Variants in CFP observed in about 807,000 individuals in gnomAD.
CFP encodes the protein complement factor properdin.
A neutral mutation model predicts 42.1 loss-of-function variants in CFP; 14 were observed. That is an observed-to-expected ratio of 0.33 (90% confidence interval 0.22 to 0.52). The LOEUF is 0.52. Ranked by LOEUF, CFP falls within the 20% of genes least tolerant of loss-of-function variation. The pLI, the probability that CFP is intolerant of heterozygous loss-of-function variation, is 0.96. For missense variants in CFP, 318 were observed against 400.4 expected (o/e 0.79, Z 1.76); for synonymous variants, 149 against 160.6 (o/e 0.93, Z 0.54).
In CFP at chrX:47,624,380, C is replaced by T. The variant is rs766164302; in HGVS notation, c.1305G>A (p.Pro435=). 1 of 1,209,834 alleles carries T rather than the reference C, an allele frequency of 8.3e-7. No individual in the cohort carries two copies. Among genetic ancestry groups the T allele is most frequent in the African/African-American group, 1.7e-5 (1 of 57,246 alleles). Reference sequence around the variant, plus strand: ...CTTGTAGCTCCTCACACCGTGGCAGCGGTCTCCCCCAGAAGGTCACGTTCT... The same window carrying T: ...CTTGTAGCTCCTCACACCGTGGCAGTGGTCTCCCCCAGAAGGTCACGTTCT... ...GEKNVTFWGR[P]LPRCEELQGQ... Residue 435 remains proline, a synonymous_variant, in exon 9 of 9, where the codon CCG becomes CCA. Coordinates refer to ENST00000396992, the MANE Select transcript of CFP (RefSeq NM_001145252.3).
chrX:47,628,972 T>C, intron 2 of CFP: 1 of 151,245 alleles, frequency 6.6e-6, no homozygotes, highest in Non-Finnish European at 1.3e-5. Flanking sequence ...CAGGGAGTGC[T>C]CAATGAATGT....
Position 47,629,547 on chromosome X carries a change from A to G in CFP, c.204T>C (p.Ser68=). The G allele has an allele frequency of 9.8e-7, 1 of 1,019,781 alleles. No individual in the cohort carries two copies. Among genetic ancestry groups the G allele is most frequent in the Non-Finnish European group, 1.3e-6 (1 of 780,367 alleles). The allele number at this position is 1,019,781 out of a possible 1,213,427, so 84.0% of individuals were successfully genotyped here. A position where few individuals can be genotyped will look rare whatever the true frequency, so the allele number is the denominator to read the frequency against. ...ACCTGCAAGGCTGACAGAGCCCACC[A>G]CTACGTTTCTGGTAGGCAAAGGCAG... is the stretch of plus-strand genomic sequence containing the variant. ...LNTAFAYQKR[S]GGLCQPCRSP... Residue 68 remains serine, a synonymous_variant, in exon 2 of 9, where the codon AGT becomes AGC. Transcript: ENST00000396992.
At position 47,629,673 on chromosome X, in the gene CFP, G is replaced by A. The variant is rs2057983442; in HGVS notation, c.78C>T (p.Gly26=). ...GGGTGAAGCAGAGCACGGGGTCTGA[G>A]CCTGTAACAGGGCCAGGGGATGGGT... ...LLLLLTLPAT[G]SDPVLCFTQY... is the part of the protein sequence containing the mutation. The change falls in exon 2 of 9, where the codon GGC becomes GGT. Residue 26 remains glycine, a splice_region_variant and synonymous_variant. Coordinates refer to ENST00000396992, the MANE Select transcript of CFP (RefSeq NM_001145252.3). The A allele has an allele frequency of 9.7e-7, 1 of 1,030,578 alleles. No individual in the cohort carries two copies. The highest frequency in any genetic ancestry group is 3.3e-5 in the East Asian group (1 of 29,956). 84.9% of individuals were successfully genotyped at this position (1,030,578 alleles called of 1,213,427 possible). A position where few individuals can be genotyped will look rare whatever the true frequency, so the allele number is the denominator to read the frequency against.
In CFP at chrX:47,626,347, G is replaced by A; in HGVS notation, c.1113C>T (p.Tyr371=). 1 of 1,211,159 alleles carries A rather than the reference G, an allele frequency of 8.3e-7. No individual in the cohort carries two copies. The highest frequency in any genetic ancestry group is 1.1e-6 in the Non-Finnish European group (1 of 895,198). ...AGQQQDIRHC[Y]SIQHCPLKGS... is the part of the protein sequence containing the mutation. ...ACTCACAGGGGCAGTGCTGGATGCT[G>A]TAGCAGTGCCGGATATCCTGCTGTT... Residue 371 remains tyrosine, a synonymous_variant, in exon 7 of 9, where the codon TAC becomes TAT. Transcript: ENST00000396992.
chrX:47,627,150 G>T lies in CFP; in HGVS notation c.757C>A (p.Pro253Thr). ...CCTCATCCTGGTGTACCTGGGCAGG[G>T]TGGCAGGCCGGTGCACCTCCGCTGC... ...YEQRRCTGLP[P>T]CPVAGGWGPW... The change falls in exon 5 of 9, where the codon CCC becomes ACC. Residue 253 changes from proline (P) to threonine (T), a missense_variant. Transcript: ENST00000396992. 1 of 1,211,799 alleles carries T rather than the reference G, an allele frequency of 8.3e-7. No individual in the cohort carries two copies. The highest frequency in any genetic ancestry group is 1.1e-6 in the Non-Finnish European group (1 of 895,340).
chrX:47,627,230 G>C lies in CFP; in HGVS notation c.677C>G (p.Ala226Gly), dbSNP rs773814594. 1 of 1,211,748 alleles carries C rather than the reference G, an allele frequency of 8.3e-7. No homozygotes were observed. Among genetic ancestry groups the C allele is most frequent in the Admixed American group, 2.2e-5 (1 of 46,133 alleles). ...AGGAGGTTTCTGGGAGGGCTCAGGT[G>C]CAGAACACTTGCGGCTTCGTGTCTC... Reference protein sequence around the residue: ...PKETRSRKCSAPEPSQKPPGK... With the variant: ...PKETRSRKCSGPEPSQKPPGK... The change falls in exon 5 of 9, where the codon GCA becomes GGA. Residue 226 changes from alanine (A) to glycine (G), a missense_variant. Transcript: ENST00000396992.
In CFP at chrX:47,624,069, C is replaced by T. The variant is rs1465700168; in HGVS notation, c.*206G>A. 4.5e-6 allele frequency: 2 copies of T among 446,714 alleles called. No individual in the cohort carries two copies. The highest frequency in any genetic ancestry group is 7.9e-6 in the Non-Finnish European group (2 of 253,368). The allele number at this position is 446,714 out of a possible 1,213,427, so 36.8% of individuals were successfully genotyped here. On this transcript the variant is annotated 3_prime_UTR_variant, in exon 9 of 9. Transcript: ENST00000396992. ...ACTCGCTTTCACTCCTGCCAACCTG[C>T]GACCACAGTGGAAAATACTGTTTTC... is the stretch of plus-strand genomic sequence containing the variant.
chrX:47,624,468 G>T (rs1420082084), intron 8 of CFP, 28 bp from the exon 9 acceptor site: 1 of 1,191,283 alleles, frequency 8.4e-7, no homozygotes, highest in Non-Finnish European at 1.1e-6. Context: ...GGGAGGAACG[G>T]AAGGGAGAAT....
At position 47,629,467 on chromosome X, in the gene CFP, G is replaced by C. The variant is rs1390849961; in HGVS notation, c.227+57C>G. 4 of 995,082 alleles carry C rather than the reference G, an allele frequency of 4.0e-6. No homozygotes were observed. The Admixed American group carries it at 1.1e-4, about 27-fold the overall frequency. 82.0% of individuals were successfully genotyped at this position (995,082 alleles called of 1,213,427 possible). ...AGAAAGAAAGTGCCCAGTTTTGGGT[G>C]ACCCCCACAGACAGTCCTTCCCTCC... On this transcript the variant is annotated intron_variant, in intron 2 of 8. Coordinates refer to ENST00000396992, the MANE Select transcript of CFP (RefSeq NM_001145252.3).
chrX:47,625,989 T>C, intron 8 of CFP, 69 bp downstream of exon 8: 2 of 930,167 alleles, frequency 2.2e-6, no homozygotes, highest in African/African-American at 1.9e-5. Flanking sequence ...CCTGGTTTCC[T>C]GGGGTAGCCG....
intron 8 of CFP, chrX:47,624,668 C>T (rs1365865818): frequency 6.2e-6 from 2 of 324,858 alleles, no homozygotes; most frequent in African/African-American, 5.6e-5. Flanking sequence ...GATGCTCCTG[C>T]CTCAGCCTCC....
In CFP at chrX:47,623,930, C is replaced by A; in HGVS notation, c.*345G>T. ...AGGACAAGTAGCCAATCAGGAAACCCGTAACGCGGAGCTCTGCAGAGGAAC... is the reference window on the plus strand; with the variant it reads ...AGGACAAGTAGCCAATCAGGAAACCAGTAACGCGGAGCTCTGCAGAGGAAC... On this transcript the variant is annotated 3_prime_UTR_variant, in exon 9 of 9. Transcript: ENST00000396992. 1 of 213,738 alleles carries A rather than the reference C, an allele frequency of 4.7e-6. No individual in the cohort carries two copies. The highest frequency in any genetic ancestry group is 8.6e-6 in the Non-Finnish European group (1 of 116,710). The allele number at this position is 213,738 out of a possible 1,213,427, so 17.6% of individuals were successfully genotyped here.
In CFP at chrX:47,624,192, T is replaced by A. The variant is rs55972826; in HGVS notation, c.*83A>T. The A allele has an allele frequency of 1.3e-3, 1,373 of 1,096,752 alleles. 1 individual carries two copies. Among genetic ancestry groups the A allele is most frequent in the Non-Finnish European group, 1.7e-3 (1,333 of 792,254 alleles). 90.4% of individuals were successfully genotyped at this position (1,096,752 alleles called of 1,213,427 possible). A position where few individuals can be genotyped will look rare whatever the true frequency, so the allele number is the denominator to read the frequency against. On this transcript the variant is annotated 3_prime_UTR_variant, in exon 9 of 9. Transcript: ENST00000396992. ...GAAGGGGATAGGTTGTTTTTCCTCCTTTAAGGAATCGTAGACGAACTCGAA... is the reference window on the plus strand; with the variant it reads ...GAAGGGGATAGGTTGTTTTTCCTCCATTAAGGAATCGTAGACGAACTCGAA...
chrX:47,628,795 C>T, intron 2 of CFP: 1 of 237,291 alleles, frequency 4.2e-6, no homozygotes, highest in East Asian at 1.1e-4. Flanking sequence ...AATCCCCAAG[C>T]TCCCCATGCC....
chrX:47,627,768 C>G (rs778650858), intron 3 of CFP, 127 bp from the exon 4 acceptor site: 90 of 748,498 alleles, frequency 1.2e-4, no homozygotes, highest in Non-Finnish European at 1.7e-4. Context: ...GGCCCACCAT[C>G]CCCGCTCACC....
rs55641350 is a variant in CFP at position 47,626,214 on chromosome X, G to A, written c.1133-45C>T. ...TCACAGAGTCAGAACTGGAGGTCTT[G>A]GTGGGAAAGTGAGAGGGAGGCTGCA... On this transcript the variant is annotated intron_variant, in intron 7 of 8. Transcript: ENST00000396992. The A allele has an allele frequency of 6.9e-4, 783 of 1,134,247 alleles. 4 individuals are homozygous for A. The highest frequency in any genetic ancestry group is 1.4e-3 in the Admixed American group (55 of 38,793). 93.5% of individuals were successfully genotyped at this position (1,134,247 alleles called of 1,213,427 possible).
chrX:47,626,421 C>T lies in CFP; in HGVS notation c.1039G>A (p.Gly347Arg). The T allele has an allele frequency of 5.8e-6, 7 of 1,211,495 alleles. No individual in the cohort carries two copies. Among genetic ancestry groups the T allele is most frequent in the Non-Finnish European group, 7.8e-6 (7 of 895,374 alleles). The change falls in exon 7 of 9, where the codon GGG (glycine) becomes AGG (arginine). Residue 347 changes from glycine to arginine, a missense_variant. Transcript: ENST00000396992. ...CQEIPGQQSR[G>R]RTCRGRKFDG... Reference sequence around the variant, plus strand: ...AACTTGCGGCCCCTGCAGGTCCTCCCGCGTGACTGCTGGCCCGGGATTTCT... The same window carrying T: ...AACTTGCGGCCCCTGCAGGTCCTCCTGCGTGACTGCTGGCCCGGGATTTCT...
chrX:47,624,341 C>T lies in CFP; in HGVS notation c.1344G>A (p.Val448=). The change falls in exon 9 of 9, where the codon GTG becomes GTA. Residue 448 remains valine, a synonymous_variant. Transcript: ENST00000396992. The stretch of plus-strand genomic sequence containing the variant: ...GTAGACATGGTCGTTTCTCCTCCAC[C>T]ACCAGCTTCTGCCCTTGTAGCTCCT... ...RCEELQGQKL[V]VEEKRPCLHV... 2 of 1,210,126 alleles carry T rather than the reference C, an allele frequency of 1.7e-6. No homozygotes were observed.
At chrX:47,627,381 A>G in intron 4 of CFP, 49 bp from the exon 5 acceptor site, 1 of 1,188,687 alleles carries the variant, frequency 8.4e-7, no homozygotes, top group Non-Finnish European at 1.1e-6. Context: ...CATGCATGCT[A>G]AAGTCCTCTC....
Sources: allele counts gnomAD v4.1 joint callset, GRCh38; gene constraint gnomAD v4.1.1; transcripts MANE v1.5; gene names NCBI Gene and HGNC (gene_info 2026-07-23, HGNC 2026-07-21).